The following ESR1 variants were observed in gnomAD, a reference collection of about 807,000 sequenced individuals.
ESR1 encodes estrogen receptor 1.
Under a neutral mutation model 52.7 loss-of-function variants are expected in ESR1, and 12 were observed. The observed-to-expected ratio is 0.23, with a 90% CI of 0.15 to 0.37. ESR1 has a LOEUF of 0.37. Ranked by LOEUF, ESR1 falls within the 10% of genes least tolerant of loss-of-function variation. ESR1 has a pLI of 1.00. For missense variants in ESR1, 584 were observed against 779.7 expected (o/e 0.75, Z 2.99); for synonymous variants, 305 against 316.8 (o/e 0.96, Z 0.39).
chr6:151,808,750 G>T (rs1376289231), intron 1 of ESR1, among the ~76,000 whole-genome samples: 1 of 152,146 alleles, frequency 6.6e-6, no homozygotes, highest in Non-Finnish European at 1.5e-5. Flanking sequence ...GGAAGGTCTC[G>T]CTCTTGGCAT....
chr6:151,895,018 G>A (rs1401176576), intron 3 of ESR1, among the ~76,000 whole-genome samples: 1 of 152,028 alleles, frequency 6.6e-6, no homozygotes, highest in Non-Finnish European at 1.5e-5. Flanking sequence ...TCATCCATGA[G>A]CATGAGATGT....
At chr6:151,684,560 C>A (rs953229686) in intron 1 of ESR1, among the ~76,000 whole-genome samples, 3 of 152,122 alleles carry the variant, frequency 2.0e-5, no homozygotes, top group Non-Finnish European at 4.4e-5. Context: ...GGGAGTAGGA[C>A]AAACAAGGGA....
intron 3 of ESR1, among the ~76,000 whole-genome samples, chr6:151,935,363 C>T (rs1189606181): frequency 1.3e-5 from 2 of 152,218 alleles, no homozygotes; most frequent in Admixed American, 6.5e-5. Flanking sequence ...AACCAAGAGG[C>T]AGTCAGCATG....
At chr6:152,002,357 C>T (rs1424076999) in intron 4 of ESR1, among the ~76,000 whole-genome samples, 1 of 151,924 alleles carries the variant, frequency 6.6e-6, no homozygotes, top group East Asian at 1.9e-4. Context: ...CCGTCTACTT[C>T]CCTCGTAGTT....
rs1439997893 is a variant in ESR1 at position 152,103,073 on chromosome 6, A to G, written c.*4107A>G. On this transcript the variant is annotated 3_prime_UTR_variant, in exon 8 of 8. Coordinates refer to ENST00000206249, the MANE Select transcript of ESR1 (RefSeq NM_000125.4). Reference sequence around the variant, plus strand: ...TTATGGGAAAAGGCTCAAATGCCAAATTGTGTTTGATGGATTAATATGCCC... The same window carrying G: ...TTATGGGAAAAGGCTCAAATGCCAAGTTGTGTTTGATGGATTAATATGCCC... The G allele has an allele frequency of 4.5e-6, 1 of 220,746 alleles. No homozygotes were observed. Among genetic ancestry groups the G allele is most frequent in the Non-Finnish European group, 9.1e-6 (1 of 110,056 alleles). 13.7% of individuals were successfully genotyped at this position (220,746 alleles called of 1,614,324 possible).
chr6:152,028,008 G>T (rs1009429859), intron 5 of ESR1, among the ~76,000 whole-genome samples: 2 of 152,068 alleles, frequency 1.3e-5, no homozygotes, highest in African/African-American at 4.8e-5. Context: ...GCCAGGTGTG[G>T]TGGCAGGCAC....
At chr6:152,030,364 C>T (rs1022061091) in intron 5 of ESR1, among the ~76,000 whole-genome samples, 5 of 151,930 alleles carry the variant, frequency 3.3e-5, no homozygotes, top group Non-Finnish European at 5.9e-5. Context: ...AGAGTCAAGA[C>T]CCATCAGCGT....
chr6:151,845,265 T>A (rs778794944), intron 2 of ESR1, among the ~76,000 whole-genome samples: 7 of 152,186 alleles, frequency 4.6e-5, no homozygotes, highest in Non-Finnish European at 7.4e-5. Context: ...CTGCTTACTC[T>A]TTGATAGTTA....
At chr6:151,899,605 T>G (rs71575912) in intron 3 of ESR1, among the ~76,000 whole-genome samples, 5 of 132,682 alleles carry the variant, frequency 3.8e-5, no homozygotes, top group African/African-American at 8.7e-5. Flanking sequence ...CCGGACGGGG[T>G]GGCTGCCGGG....
chr6:152,072,561 G>A (rs2048435645), intron 6 of ESR1, among the ~76,000 whole-genome samples: 1 of 152,178 alleles, frequency 6.6e-6, no homozygotes, highest in African/African-American at 2.4e-5. Flanking sequence ...CTCTAGCTGT[G>A]CCTTTCTCTA....
chr6:151,813,029 G>A (rs1402687880), intron 1 of ESR1, among the ~76,000 whole-genome samples: 1 of 151,672 alleles, frequency 6.6e-6, no homozygotes, highest in African/African-American at 2.4e-5. Flanking sequence ...TACTCATACT[G>A]ATCTCTGAAA....
At chr6:151,714,107 C>T (rs756376763) in intron 2 of ESR1, among the ~76,000 whole-genome samples, 1 of 152,214 alleles carries the variant, frequency 6.6e-6, no homozygotes, top group South Asian at 2.1e-4. Context: ...ACACAGTAGT[C>T]ATTCAGGAGC....
intron 1 of ESR1, among the ~76,000 whole-genome samples, chr6:151,811,836 C>T (rs939194395): frequency 5.3e-5 from 8 of 152,104 alleles, no homozygotes; most frequent in Admixed American, 2.6e-4. Context: ...CGGATGAAAA[C>T]GGAATCACAT....
At chr6:151,889,205 C>T (rs1182030958) in intron 3 of ESR1, among the ~76,000 whole-genome samples, 2 of 152,110 alleles carry the variant, frequency 1.3e-5, no homozygotes, top group East Asian at 1.9e-4. Context: ...AGTATTCCCT[C>T]CTCTTCAATT....
chr6:151,792,622 T>C (rs1369091142), intron 2 of ESR1, among the ~76,000 whole-genome samples: 1 of 152,036 alleles, frequency 6.6e-6, no homozygotes, highest in Non-Finnish European at 1.5e-5. Flanking sequence ...AAATTTTTTG[T>C]AGCGACTGGG....
At chr6:152,087,047 A>T (rs1278236444) in intron 6 of ESR1, among the ~76,000 whole-genome samples, 1 of 152,204 alleles carries the variant, frequency 6.6e-6, no homozygotes, top group African/African-American at 2.4e-5. Flanking sequence ...GTCTTCAGTA[A>T]TGTTGAGGGT....
intron 4 of ESR1, among the ~76,000 whole-genome samples, chr6:151,969,250 A>G (rs34066278): frequency 6.6e-6 from 1 of 151,940 alleles, no homozygotes; most frequent in Non-Finnish European, 1.5e-5. Context: ...GTTTATTTTT[A>G]AAAAATATTT....
chr6:151,934,426 T>G (rs2034103229), intron 3 of ESR1, among the ~76,000 whole-genome samples: 1 of 152,240 alleles, frequency 6.6e-6, no homozygotes. Flanking sequence ...TCAATAACTT[T>G]GTTGTATTAA....
intron 2 of ESR1, among the ~76,000 whole-genome samples, chr6:151,775,574 T>C (rs187434071): frequency 0.022 from 3,401 of 151,962 alleles, 128 homozygotes; most frequent in African/African-American, 0.078. Context: ...GGTGAAACCC[T>C]GTCTCTACTA....
Sources: allele counts gnomAD v4.1 joint callset (sites outside exome capture counted in the v4.1 genomes callset), GRCh38; gene constraint gnomAD v4.1.1; transcripts MANE v1.5; gene names NCBI Gene and HGNC (gene_info 2026-07-23, HGNC 2026-07-21).